The following BCL11A variants were observed in gnomAD, a reference collection of about 807,000 sequenced individuals.
The protein encoded by BCL11A is BCL11 transcription factor A.
Under a neutral mutation model 55.9 loss-of-function variants are expected in BCL11A, and 2 were observed. The observed-to-expected ratio is 0.04, with a 90% CI of 0.01 to 0.11. The LOEUF is 0.11. BCL11A is among the 10% of genes least tolerant of loss of function. The pLI is 1.00. For synonymous variants in BCL11A, 465 were observed against 473.4 expected (o/e 0.98, Z 0.23); for missense variants, 817 against 1,137.1 (o/e 0.72, Z 4.05).
At chr2:60,512,691 T>C (rs1668531784) in intron 2 of BCL11A, among the ~76,000 whole-genome samples, 1 of 152,128 alleles carries the variant, frequency 6.6e-6, no homozygotes, top group Admixed American at 6.5e-5. Flanking sequence ...TTGGAGATGG[T>C]TTCAATAATA....
chr2:60,481,799 G>A (rs985908991), intron 2 of BCL11A, among the ~76,000 whole-genome samples: 17 of 152,154 alleles, frequency 1.1e-4, no homozygotes, highest in Non-Finnish European at 1.9e-4. Context: ...GTGATGGTGG[G>A]AGAGCCTTTT....
In BCL11A at chr2:60,461,069, C is replaced by G; in HGVS notation, c.1843G>C (p.Gly615Arg). 6.2e-7 allele frequency: 1 copy of G among 1,603,794 alleles called. No homozygotes were observed. The highest frequency in any genetic ancestry group is 2.2e-5 in the East Asian group (1 of 44,702). ...AGCAGCAGCTTTTTGGACAGGCCCC[C>G]CGAGGCCGACTCGCCCGGGGAGCAG... ...RGCSPGESAS[G>R]GLSKKLLLGS... Residue 615 changes from glycine (G) to arginine (R), a missense_variant, in exon 4 of 4, where the codon GGG (glycine) becomes CGG (arginine). Gly to Arg is a moderately radical substitution (Grantham distance 125). This residue lies in a region of BCL11A where 379 missense variants were observed against 425.3 expected (regional missense o/e 0.89). Transcript: ENST00000642384.
intron 2 of BCL11A, among the ~76,000 whole-genome samples, chr2:60,512,169 C>A (rs1034483988): frequency 6.6e-6 from 1 of 152,208 alleles, no homozygotes; most frequent in Non-Finnish European, 1.5e-5. Flanking sequence ...CTCACCACCC[C>A]TGGAGAGCAG....
chr2:60,525,841 C>G (rs182976424), intron 2 of BCL11A: 4 of 152,210 alleles, frequency 2.6e-5, no homozygotes, highest in East Asian at 1.9e-4. Flanking sequence ...TGCCCTCCCC[C>G]CAAACCAGTC....
At chr2:60,503,863 AT>A (rs1238847937) in intron 2 of BCL11A, among the ~76,000 whole-genome samples, 1 of 152,208 alleles carries the variant, frequency 6.6e-6, no homozygotes, top group Non-Finnish European at 1.5e-5. Context: ...TTAAACAGCA[AT>A]TCACATTCAT....
intron 2 of BCL11A, among the ~76,000 whole-genome samples, chr2:60,520,260 C>T (rs1668918897): frequency 6.6e-6 from 1 of 152,112 alleles, no homozygotes. Flanking sequence ...CTTTAATTTT[C>T]ACCCTTACAA....
chr2:60,456,368 G>A (rs1316028347), downstream of BCL11A, among the ~76,000 whole-genome samples: 20 of 152,208 alleles, frequency 1.3e-4, no homozygotes. Context: ...AGATTTCTAA[G>A]GATTTTTAAA....
chr2:60,479,517 C>T (rs1164745739), intron 2 of BCL11A, among the ~76,000 whole-genome samples: 2 of 152,216 alleles, frequency 1.3e-5, no homozygotes, highest in Admixed American at 6.5e-5. Flanking sequence ...AATCCTTTTG[C>T]TTCCAGGGCC....
At chr2:60,491,391 G>A (rs371949684) in intron 2 of BCL11A, among the ~76,000 whole-genome samples, 2 of 152,084 alleles carry the variant, frequency 1.3e-5, no homozygotes. Context: ...AAATGCTCCC[G>A]GCCAGGCGCT....
At chr2:60,518,054 G>A (rs1406649730) in intron 2 of BCL11A, among the ~76,000 whole-genome samples, 5 of 152,138 alleles carry the variant, frequency 3.3e-5, no homozygotes, top group Non-Finnish European at 7.3e-5. Flanking sequence ...AAATTTGGAA[G>A]GCCACAGAGG....
chr2:60,462,016 C>A lies in BCL11A; in HGVS notation c.896G>T (p.Arg299Met). The A allele has an allele frequency of 6.2e-7, 1 of 1,612,634 alleles. No homozygotes were observed. The highest frequency in any genetic ancestry group is 8.5e-7 in the Non-Finnish European group (1 of 1,179,602). ...LATHHPSAFDRVLRLNPMAME... is the reference protein window; with the variant it reads ...LATHHPSAFDMVLRLNPMAME... ...AGCCATTGGATTCAACCGCAGCACC[C>A]TGTCAAAGGCACTCGGGTGATGGGT... is the stretch of plus-strand genomic sequence containing the variant. The change falls in exon 4 of 4, where the codon AGG (arginine) becomes ATG (methionine). Residue 299 changes from arginine to methionine, a missense_variant. By Grantham distance (91) the Arg-to-Met change is moderately conservative (BLOSUM62 -1). Around this residue, in one of 4 missense-constraint regions of BCL11A, gnomAD observed 363 missense variants for 486.6 expected, o/e 0.75. Coordinates refer to ENST00000642384, the MANE Select transcript of BCL11A (RefSeq NM_022893.4).
Position 60,457,431 on chromosome 2 carries a change from C to T in BCL11A, c.*2973G>A. ...TTAAGTGCCTCTGTTTTGAACAGGG[C>T]ACATAAGCAATAATAAATAGTGACT... On this transcript the variant is annotated 3_prime_UTR_variant, in exon 4 of 4. Coordinates refer to ENST00000642384, the MANE Select transcript of BCL11A (RefSeq NM_022893.4). 1 of 1,034,716 alleles carries T rather than the reference C, an allele frequency of 9.7e-7. No individual in the cohort carries two copies. The highest frequency in any genetic ancestry group is 1.2e-6 in the Non-Finnish European group (1 of 858,542). 64.1% of individuals were successfully genotyped at this position (1,034,716 alleles called of 1,614,324 possible). A position where few individuals can be genotyped will look rare whatever the true frequency, so the allele number is the denominator to read the frequency against.
chr2:60,519,717 T>C (rs1256568741), intron 2 of BCL11A, among the ~76,000 whole-genome samples: 3 of 152,204 alleles, frequency 2.0e-5, no homozygotes, highest in African/African-American at 4.8e-5. Context: ...TTCTGACACA[T>C]GCAGCTGGGA....
rs562628426 is a variant in BCL11A, at chr2:60,541,855, T to C, written c.385+4116A>G. The C allele has an allele frequency of 5.4e-5, 37 of 682,346 alleles. No homozygotes were observed. In the East Asian group the frequency reaches 9.3e-4, roughly 17 times the overall value. The allele number at this position is 682,346 out of a possible 1,614,324, so 42.3% of individuals were successfully genotyped here. The stretch of plus-strand genomic sequence containing the variant: ...AGAAAAATAAGTAGTCATAATAGCA[T>C]ACTATAATTTATAGTCTCATTTACA... On this transcript the variant is annotated intron_variant, in intron 2 of 3. Transcript: ENST00000642384.
At chr2:60,536,789 T>C (rs1038310901) in intron 2 of BCL11A, 16 of 152,184 alleles carry the variant, frequency 1.1e-4, no homozygotes, top group African/African-American at 2.7e-4. Flanking sequence ...ATACTTAATA[T>C]ATAGCAATTA....
rs751066262 is a variant in BCL11A at position 60,468,767 on chromosome 2, G to A, written c.452C>T (p.Pro151Leu). 6.2e-7 allele frequency: 1 copy of A among 1,611,042 alleles called. No homozygotes were observed. The highest frequency in any genetic ancestry group is 1.1e-5 in the South Asian group (1 of 90,432). The change falls in exon 3 of 4, where the codon CCT becomes CTT. Residue 151 changes from proline to leucine, a missense_variant. Transcript: ENST00000642384. ...RSAHGALIPTPGMSAEYAPQG... is the reference protein window; with the variant it reads ...RSAHGALIPTLGMSAEYAPQG... ...CGGGGCATATTCTGCACTCATCCCA[G>A]GCGTGGGGATTAGAGCTCCATGTGC...
intron 2 of BCL11A, among the ~76,000 whole-genome samples, chr2:60,521,693 A>G (rs1261461033): frequency 1.3e-5 from 2 of 152,144 alleles, no homozygotes; most frequent in Non-Finnish European, 2.9e-5. Context: ...ATCTCCTCTC[A>G]GGCAAATCAT....
chr2:60,496,795 C>CTT (rs35792188), intron 2 of BCL11A, among the ~76,000 whole-genome samples: 2 of 152,046 alleles, frequency 1.3e-5, no homozygotes, highest in Non-Finnish European at 2.9e-5. Flanking sequence ...CTCTCTCTCT[C>CTT]ACTATGCTCC....
chr2:60,549,540 G>A (rs1474764222), intron 1 of BCL11A, among the ~76,000 whole-genome samples: 1 of 152,208 alleles, frequency 6.6e-6, no homozygotes, highest in Non-Finnish European at 1.5e-5. Flanking sequence ...GGGACTCTGA[G>A]GCACAAAGCG....
Sources: gnomAD v4.1 joint callset for allele counts (sites outside exome capture counted in the v4.1 genomes callset) on GRCh38, gnomAD v4.1.1 for gene constraint, gnomAD v4.1.1 regional missense constraint, MANE v1.5 for transcripts, NCBI Gene and HGNC (gene_info 2026-07-23, HGNC 2026-07-21) for gene names.